The following TPRG1 variants were observed in gnomAD, a reference collection of about 807,000 sequenced individuals.
TPRG1 encodes tumor protein p63-regulated gene 1 protein.
TPRG1 carries 29 observed loss-of-function variants against 29.3 expected under a neutral mutation model. That is an observed-to-expected ratio of 0.99 (90% confidence interval 0.74 to 1.35). The LOEUF is 1.35. Among genes scored for constraint, TPRG1 ranks in the 40% most tolerant of loss-of-function variants. The pLI, the probability that TPRG1 is intolerant of heterozygous loss-of-function variation, is 0.00. For missense variants in TPRG1, 327 were observed against 335.0 expected, an observed-to-expected ratio of 0.98 and a Z score of 0.19; for synonymous variants, 130 against 116.8, an observed-to-expected ratio of 1.11 and a Z score of -0.73.
chr3:189,306,521 G>T (rs938902600), intron 4 of TPRG1, among the ~76,000 whole-genome samples: 8 of 152,126 alleles, frequency 5.3e-5, no homozygotes, highest in African/African-American at 1.4e-4. Context: ...TTTTGTTTAT[G>T]TCCAGTGATT....
At chr3:189,279,446 G>T (rs1716727813) in intron 4 of TPRG1, among the ~76,000 whole-genome samples, 1 of 152,164 alleles carries the variant, frequency 6.6e-6, no homozygotes, top group South Asian at 2.1e-4. Context: ...TAGGATTATT[G>T]TCTTTGGAGT....
chr3:189,023,000 T>G (rs943601889), intron 3 of TPRG1, among the ~76,000 whole-genome samples: 2 of 152,204 alleles, frequency 1.3e-5, no homozygotes, highest in Non-Finnish European at 1.5e-5. Flanking sequence ...CCAGGTGCCG[T>G]CCGTCACCCC....
At chr3:189,219,545 A>G (rs549182666) in intron 3 of TPRG1, 1 of 1,223,684 alleles carries the variant, frequency 8.2e-7, no homozygotes, top group African/African-American at 1.6e-5. Context: ...ATTATTTTAA[A>G]AAAACTATGT....
chr3:189,099,499 G>T (rs1311090544), upstream of TPRG1, among the ~76,000 whole-genome samples: 1 of 152,066 alleles, frequency 6.6e-6, no homozygotes, highest in East Asian at 1.9e-4. Flanking sequence ...CCAGGAAGCC[G>T]CTTCCTCCTG....
At position 189,325,300 on chromosome 3, in the gene TPRG1, A is replaced by C. The variant is rs966646710; in HGVS notation, c.*4480A>C. ...AATAAAGTCATGAGACTGCTTCTCA[A>C]CCTAGACCTTGTATCTCGTGTGCTA... On this transcript the variant is annotated 3_prime_UTR_variant, in exon 6 of 6. Transcript: ENST00000345063. 7 of 150,572 alleles carry C rather than the reference A, an allele frequency of 4.6e-5. No homozygotes were observed. Among genetic ancestry groups the C allele is most frequent in the African/African-American group, 1.5e-4 (6 of 40,828 alleles). The allele number at this position is 150,572 out of a possible 1,614,324, so 9.3% of individuals were successfully genotyped here.
rs979681394 is a variant in TPRG1, at chr3:189,324,239, A to G, written c.*3419A>G. 2.0e-5 allele frequency: 3 copies of G among 152,168 alleles called. No homozygotes were observed. Among genetic ancestry groups the G allele is most frequent in the African/African-American group, 7.2e-5 (3 of 41,448 alleles). 9.4% of individuals were successfully genotyped at this position (152,168 alleles called of 1,614,324 possible). On this transcript the variant is annotated 3_prime_UTR_variant, in exon 6 of 6. Coordinates refer to ENST00000345063, the MANE Select transcript of TPRG1 (RefSeq NM_198485.4). ...ATAAGAAGGCAGAAAAACCATGTCA[A>G]TTCAGTGCTTTTATTTCACAGAAAA...
chr3:189,171,805 C>T (rs1728844059), upstream of TPRG1, among the ~76,000 whole-genome samples: 1 of 152,164 alleles, frequency 6.6e-6, no homozygotes, highest in Admixed American at 6.5e-5. Flanking sequence ...CAGAAAAATG[C>T]AGGACTTCTT....
intron 5 of TPRG1, 85 bp downstream of exon 5, chr3:189,310,624 C>CAAAAT (rs201735894): frequency 0.049 from 23,148 of 469,250 alleles, 879 homozygotes; most frequent in African/African-American, 0.066. Flanking sequence ...CTAAACAAAA[C>CAAAAT]AAAATAAAAT....
intron 1 of TPRG1, chr3:189,120,526 G>T (rs867823501): frequency 3.9e-5 from 6 of 152,328 alleles, no homozygotes; most frequent in Middle Eastern, 3.4e-3. Flanking sequence ...GTTCATTGAA[G>T]AATACTGACA....
rs930290167 is a variant in TPRG1, at chr3:189,009,709, A to G, written c.-660+4949A>G. Among the ~76,000 whole-genome samples, 9 of 151,982 alleles carry G rather than the reference A, an allele frequency of 5.9e-5. No individual in the cohort carries two copies. In the East Asian group the frequency reaches 1.7e-3, roughly 29 times the overall value. On this transcript the variant is annotated intron_variant, in intron 3 of 10. Transcript: ENST00000433971. Reference sequence around the variant, plus strand: ...CCCAATAGAAATAAATATAATATTTATATCTAGTATTTACCAATAGTGTTA... The same window carrying G: ...CCCAATAGAAATAAATATAATATTTGTATCTAGTATTTACCAATAGTGTTA...
chr3:189,263,581 T>A (rs568609193), intron 4 of TPRG1, among the ~76,000 whole-genome samples: 1 of 152,216 alleles, frequency 6.6e-6, no homozygotes, highest in Non-Finnish European at 1.5e-5. Flanking sequence ...TTGAAAGCAC[T>A]TACTATAAAC....
intron 4 of TPRG1, among the ~76,000 whole-genome samples, chr3:189,025,947 C>T (rs1454330550): frequency 2.6e-5 from 4 of 152,120 alleles, no homozygotes; most frequent in African/African-American, 9.7e-5. Context: ...TTAATCGTGA[C>T]TTTTTTCAGT....
At chr3:189,190,989 A>G in intron 1 of TPRG1, 2 of 985,346 alleles carry the variant, frequency 2.0e-6, no homozygotes, top group Non-Finnish European at 2.4e-6. Flanking sequence ...TATCACAGGT[A>G]GGTCTTTTAA....
intron 3 of TPRG1, among the ~76,000 whole-genome samples, chr3:189,140,933 A>G (rs977161435): frequency 1.3e-5 from 2 of 152,076 alleles, no homozygotes; most frequent in African/African-American, 2.4e-5. Flanking sequence ...CTGCTGTATC[A>G]CCAGCCTGCA....
intron 4 of TPRG1, among the ~76,000 whole-genome samples, chr3:189,280,399 TG>T (rs1216267360): frequency 6.6e-6 from 1 of 152,186 alleles, no homozygotes; most frequent in African/African-American, 2.4e-5. Flanking sequence ...AAATGTTTTT[TG>T]TAAGTATGAG....
In TPRG1 at chr3:189,307,298, A is replaced by G. The variant is rs185958037; in HGVS notation, c.480-3088A>G. 2.7e-3 allele frequency among the ~76,000 whole-genome samples: 411 copies of G among 152,314 alleles called. 5 individuals carry two copies. The highest frequency in any genetic ancestry group is 9.5e-3 in the African/African-American group (394 of 41,568). Reference sequence around the variant, plus strand: ...CTCAGCCTTCCAAAGTGCTGGGATTACAGGCGTGAGTCACCGCACCTGGCC... The same window carrying G: ...CTCAGCCTTCCAAAGTGCTGGGATTGCAGGCGTGAGTCACCGCACCTGGCC... On this transcript the variant is annotated intron_variant, in intron 4 of 5. Coordinates refer to ENST00000345063, the MANE Select transcript of TPRG1 (RefSeq NM_198485.4).
intron 4 of TPRG1, among the ~76,000 whole-genome samples, chr3:189,245,635 A>G (rs905229278): frequency 1.2e-4 from 19 of 152,088 alleles, no homozygotes; most frequent in Admixed American, 1.2e-3. Flanking sequence ...TGAATTTGTC[A>G]TGTACACTTG....
chr3:189,270,395 G>A (rs1464760149), intron 4 of TPRG1, among the ~76,000 whole-genome samples: 2 of 152,214 alleles, frequency 1.3e-5, no homozygotes, highest in Admixed American at 1.3e-4. Flanking sequence ...TGAAATCCAT[G>A]CAGTTCCCTT....
intron 4 of TPRG1, among the ~76,000 whole-genome samples, chr3:189,083,745 A>G (rs1277838185): frequency 6.6e-6 from 1 of 152,188 alleles, no homozygotes; most frequent in Non-Finnish European, 1.5e-5. Context: ...AATTATAAGT[A>G]TATGTTGCCT....
Sources: allele counts gnomAD v4.1 joint callset (sites outside exome capture counted in the v4.1 genomes callset), GRCh38; gene constraint gnomAD v4.1.1; transcripts MANE v1.5; gene names NCBI Gene and HGNC (gene_info 2026-07-23, HGNC 2026-07-21).